Variants in LDLRAD3 observed in about 807,000 individuals in gnomAD.
The protein encoded by LDLRAD3 is low density lipoprotein receptor class A domain containing 3.
In LDLRAD3, 20 loss-of-function variants were observed where a neutral mutation model predicts 29.4. The observed-to-expected ratio is 0.68, with a 90% CI of 0.48 to 0.99. The LOEUF is 0.99. LDLRAD3 is among the 50% of genes least tolerant of loss of function. The probability of loss-of-function intolerance (pLI) is 0.00; values close to 1 mark genes in which losing one functional copy is unlikely to be tolerated. For missense variants in LDLRAD3, 420 were observed against 454.3 expected (o/e 0.92, Z 0.69); for synonymous variants, 157 against 192.7 (o/e 0.81, Z 1.53).
At chr11:36,162,850 C>G (rs1161556175) in intron 4 of LDLRAD3, among the ~76,000 whole-genome samples, 1 of 152,204 alleles carries the variant, frequency 6.6e-6, no homozygotes, top group Admixed American at 6.5e-5. Context: ...ATCCCCTTCT[C>G]ATGACAGTCT....
At chr11:36,125,056 C>T (rs930372094) in intron 4 of LDLRAD3, among the ~76,000 whole-genome samples, 7 of 152,174 alleles carry the variant, frequency 4.6e-5, no homozygotes, top group African/African-American at 1.7e-4. Flanking sequence ...CCCGTTCTAC[C>T]TTAGCTGTTT....
At chr11:36,070,335 ACCGTT>A (rs1852877156) in intron 2 of LDLRAD3, among the ~76,000 whole-genome samples, 1 of 152,250 alleles carries the variant, frequency 6.6e-6, no homozygotes, top group South Asian at 2.1e-4. Flanking sequence ...TTGAACAAAA[ACCGTT>A]TGTATATGAG....
intron 1 of LDLRAD3, among the ~76,000 whole-genome samples, chr11:35,965,460 G>C (rs1470260990): frequency 6.6e-6 from 1 of 152,182 alleles, no homozygotes; most frequent in Non-Finnish European, 1.5e-5. Context: ...CTGGAAGAGA[G>C]GAGGCTCCAA....
intron 4 of LDLRAD3, among the ~76,000 whole-genome samples, chr11:36,113,240 G>A (rs879909903): frequency 2.4e-4 from 36 of 152,130 alleles, no homozygotes; most frequent in Non-Finnish European, 4.9e-4. Flanking sequence ...ATCGTGAAGT[G>A]GCTAAAATGA....
intron 1 of LDLRAD3, among the ~76,000 whole-genome samples, chr11:35,959,254 T>C (rs1420840972): frequency 6.6e-6 from 1 of 152,082 alleles, no homozygotes; most frequent in Non-Finnish European, 1.5e-5. Context: ...CAGAGAAAGC[T>C]TCCTGTTCAC....
At chr11:36,121,937 C>T (rs565711139) in intron 4 of LDLRAD3, among the ~76,000 whole-genome samples, 4 of 152,282 alleles carry the variant, frequency 2.6e-5, no homozygotes, top group Admixed American at 1.3e-4. Flanking sequence ...ACTGCTCATT[C>T]GTGTTTTACA....
chr11:36,152,223 G>C (rs1393973724), intron 4 of LDLRAD3, among the ~76,000 whole-genome samples: 3 of 152,216 alleles, frequency 2.0e-5, no homozygotes, highest in Admixed American at 2.0e-4. Context: ...CCTGAAAGCT[G>C]TGTGGAATTG....
chr11:36,029,340 C>T (rs1282550944), intron 1 of LDLRAD3, among the ~76,000 whole-genome samples: 1 of 152,076 alleles, frequency 6.6e-6, no homozygotes, highest in Non-Finnish European at 1.5e-5. Context: ...GTGAAAAGTC[C>T]ATAATAATTG....
intron 4 of LDLRAD3, among the ~76,000 whole-genome samples, chr11:36,110,395 G>C (rs1853589558): frequency 2.0e-5 from 3 of 152,264 alleles, no homozygotes; most frequent in South Asian, 4.2e-4. Context: ...GTCCATCCTG[G>C]ACACCTGGCA....
chr11:36,176,228 G>T (rs1354075707), intron 4 of LDLRAD3, among the ~76,000 whole-genome samples: 4 of 152,148 alleles, frequency 2.6e-5, no homozygotes, highest in African/African-American at 7.2e-5. Flanking sequence ...GCAGATACTT[G>T]TCTGCTGTTG....
At chr11:36,206,486 G>GGAGGCA (rs1855210425) in intron 4 of LDLRAD3, among the ~76,000 whole-genome samples, 1 of 152,186 alleles carries the variant, frequency 6.6e-6, no homozygotes, top group African/African-American at 2.4e-5. Flanking sequence ...AAGCACAGTG[G>GGAGGCA]GAGGCAGAGG....
chr11:36,140,286 C>T (rs192966652), intron 4 of LDLRAD3, among the ~76,000 whole-genome samples: 25 of 152,340 alleles, frequency 1.6e-4, no homozygotes, highest in African/African-American at 6.0e-4. Flanking sequence ...GGACCCTTCT[C>T]ACACCAGAGA....
rs559824588 is a variant in LDLRAD3, at chr11:36,081,689, C to T, written c.230C>T (p.Pro77Leu). ...AKSKCGPTFF[P>L]CASGIHCIIG... is the part of the protein sequence containing the mutation. Reference sequence around the variant, plus strand: ...TCGAAATGTGGCCCAACCTTCTTCCCCTGTGCCAGCGGCATCCATTGCATC... The same window carrying T: ...TCGAAATGTGGCCCAACCTTCTTCCTCTGTGCCAGCGGCATCCATTGCATC... Residue 77 changes from proline to leucine, a missense_variant, in exon 3 of 6, where the codon CCC becomes CTC. This residue lies in a region of LDLRAD3 where 224 missense variants were observed against 222.2 expected (regional missense o/e 1.01). Coordinates refer to ENST00000315571, the MANE Select transcript of LDLRAD3 (RefSeq NM_174902.4). The T allele has an allele frequency of 6.2e-7, 1 of 1,614,226 alleles. No individual in the cohort carries two copies. Among genetic ancestry groups the T allele is most frequent in the African/African-American group, 1.3e-5 (1 of 75,054 alleles).
chr11:36,115,192 C>G (rs1211609952), intron 4 of LDLRAD3, among the ~76,000 whole-genome samples: 5 of 152,232 alleles, frequency 3.3e-5, no homozygotes, highest in Non-Finnish European at 5.9e-5. Flanking sequence ...TCAGCCACTG[C>G]TGTCCCAGCT....
At chr11:36,164,240 G>A (rs887057018) in intron 4 of LDLRAD3, among the ~76,000 whole-genome samples, 27 of 152,186 alleles carry the variant, frequency 1.8e-4, no homozygotes, top group Admixed American at 5.2e-4. Flanking sequence ...GCACATGGGC[G>A]TTGGGTTTGC....
At chr11:36,057,428 G>C (rs937074441) in intron 2 of LDLRAD3, among the ~76,000 whole-genome samples, 1 of 152,158 alleles carries the variant, frequency 6.6e-6, no homozygotes, top group Non-Finnish European at 1.5e-5. Context: ...CCTCAAGCTA[G>C]TGTCCCACTG....
intron 1 of LDLRAD3, among the ~76,000 whole-genome samples, chr11:35,960,920 T>G (rs902500239): frequency 1.3e-5 from 2 of 152,204 alleles, no homozygotes; most frequent in Non-Finnish European, 2.9e-5. Flanking sequence ...TGCCTGCCCC[T>G]GATGACTGGT....
At chr11:36,029,742 C>T (rs909001562) in intron 1 of LDLRAD3, among the ~76,000 whole-genome samples, 2 of 152,240 alleles carry the variant, frequency 1.3e-5, no homozygotes, top group African/African-American at 4.8e-5. Flanking sequence ...TCTTTACTAA[C>T]TCGCTTTGTA....
At chr11:36,024,646 T>A (rs1414332809) in intron 1 of LDLRAD3, among the ~76,000 whole-genome samples, 1 of 152,218 alleles carries the variant, frequency 6.6e-6, no homozygotes, top group East Asian at 1.9e-4. Context: ...TCCTGCACCC[T>A]CAAACCACTT....
Sources: gnomAD v4.1 joint callset for allele counts (sites outside exome capture counted in the v4.1 genomes callset) on GRCh38, gnomAD v4.1.1 for gene constraint, gnomAD v4.1.1 regional missense constraint, MANE v1.5 for transcripts, NCBI Gene and HGNC (gene_info 2026-07-23, HGNC 2026-07-21) for gene names.